The following PPFIA2 variants were observed in gnomAD, a reference collection of about 807,000 sequenced individuals.
The protein encoded by PPFIA2 is liprin-alpha-2.
A neutral mutation model predicts 175.5 loss-of-function variants in PPFIA2; 46 were observed. The observed-to-expected ratio is 0.26, with a 90% CI of 0.21 to 0.34. The LOEUF (loss-of-function observed/expected upper bound fraction) is 0.34, where lower values mean the gene tolerates loss of function less well. Ranked by LOEUF, PPFIA2 falls within the 10% of genes least tolerant of loss-of-function variation. The pLI is 1.00. For missense variants in PPFIA2, 1,179 were observed against 1,506.1 expected (o/e 0.78, Z 3.60); for synonymous variants, 568 against 511.4 (o/e 1.11, Z -1.49).
At chr12:81,286,225 AG>A (rs1858780282) in intron 24 of PPFIA2, among the ~76,000 whole-genome samples, 2 of 152,126 alleles carry the variant, frequency 1.3e-5, no homozygotes, top group South Asian at 4.1e-4. Flanking sequence ...ACAAAAAAAA[AG>A]ATTTATAAAT....
intron 4 of PPFIA2, among the ~76,000 whole-genome samples, chr12:81,467,369 A>G (rs527640007): frequency 6.6e-6 from 1 of 151,916 alleles, no homozygotes; most frequent in South Asian, 2.1e-4. Flanking sequence ...TCTAGATATC[A>G]TAAAACAGTT....
chr12:81,275,115 T>C (rs969820778), intron 28 of PPFIA2, among the ~76,000 whole-genome samples: 5 of 152,216 alleles, frequency 3.3e-5, no homozygotes, highest in African/African-American at 1.2e-4. Context: ...AAGACATTCA[T>C]TGTGTGGTCA....
chr12:81,461,548 A>T (rs2054540241), intron 4 of PPFIA2, among the ~76,000 whole-genome samples: 1 of 152,050 alleles, frequency 6.6e-6, no homozygotes, highest in Admixed American at 6.6e-5. Flanking sequence ...AAATGTCAGA[A>T]TTCACATTTG....
intron 7 of PPFIA2, among the ~76,000 whole-genome samples, chr12:81,437,997 C>T (rs1182712987): frequency 6.7e-6 from 1 of 149,752 alleles, no homozygotes; most frequent in African/African-American, 2.5e-5. Context: ...AAAAAGTTTT[C>T]TTTCCTTTTT....
Position 81,259,208 on chromosome 12 carries a change from A to G in PPFIA2, c.*486T>C, listed in dbSNP as rs1420026109. 4.4e-6 allele frequency: 1 copy of G among 229,568 alleles called. No homozygotes were observed. The highest frequency in any genetic ancestry group is 8.6e-6 in the Non-Finnish European group (1 of 115,682). The allele number at this position is 229,568 out of a possible 1,614,324, so 14.2% of individuals were successfully genotyped here. A position where few individuals can be genotyped will look rare whatever the true frequency, so the allele number is the denominator to read the frequency against. ...TATTAACAATCCAAAAACTGTAAAA[A>G]TGGTGGAATGGTAAAATACAAACAG... On this transcript the variant is annotated 3_prime_UTR_variant, in exon 33 of 33. Transcript: ENST00000549396.
At chr12:81,334,400 G>A (rs1225281877) in intron 21 of PPFIA2, among the ~76,000 whole-genome samples, 1 of 151,728 alleles carries the variant, frequency 6.6e-6, no homozygotes, top group Non-Finnish European at 1.5e-5. Flanking sequence ...TTGGTACTCT[G>A]CATTTAAGAG....
At chr12:81,736,084 C>A (rs576180013) in intron 3 of PPFIA2, among the ~76,000 whole-genome samples, 1 of 151,962 alleles carries the variant, frequency 6.6e-6, no homozygotes, top group Admixed American at 6.6e-5. Flanking sequence ...ATTAAAATCA[C>A]CTCATCCCTT....
chr12:81,673,133 C>G (rs2071755226), intron 4 of PPFIA2, among the ~76,000 whole-genome samples: 1 of 151,968 alleles, frequency 6.6e-6, no homozygotes, highest in African/African-American at 2.4e-5. Flanking sequence ...GGCACCAGGG[C>G]AGGGGTTGTC....
intron 4 of PPFIA2, among the ~76,000 whole-genome samples, chr12:81,553,736 G>T (rs1286263035): frequency 6.6e-6 from 1 of 151,972 alleles, no homozygotes; most frequent in Non-Finnish European, 1.5e-5. Flanking sequence ...CTTTCCAATT[G>T]GAACTGCATT....
At chr12:81,349,986 CT>C (rs1319725795) in intron 17 of PPFIA2, among the ~76,000 whole-genome samples, 12 of 152,074 alleles carry the variant, frequency 7.9e-5, no homozygotes, top group African/African-American at 2.9e-4. Context: ...ATGACTATTT[CT>C]TTTAAATGTG....
intron 11 of PPFIA2, among the ~76,000 whole-genome samples, chr12:81,371,693 C>A (rs2035140025): frequency 6.6e-6 from 1 of 151,716 alleles, no homozygotes; most frequent in South Asian, 2.1e-4. Flanking sequence ...TAAAATACCT[C>A]ATTCAAGATG....
chr12:81,311,046 T>C (rs1225073468), intron 22 of PPFIA2, among the ~76,000 whole-genome samples: 1 of 152,146 alleles, frequency 6.6e-6, no homozygotes, highest in Non-Finnish European at 1.5e-5. Context: ...AATACCTTCT[T>C]CTCAGTCCAA....
intron 4 of PPFIA2, among the ~76,000 whole-genome samples, chr12:81,605,240 T>C (rs1343706046): frequency 6.6e-6 from 1 of 151,866 alleles, no homozygotes; most frequent in Non-Finnish European, 1.5e-5. Context: ...GATAAGAATT[T>C]GGGGATTTAA....
In PPFIA2 at chr12:81,441,854, T is replaced by G. The variant is rs115108657; in HGVS notation, c.571-1808A>C. On this transcript the variant is annotated intron_variant, in intron 6 of 32. Transcript: ENST00000549396. The stretch of plus-strand genomic sequence containing the variant: ...GCAATATGAAGCAATCTAAATATGT[T>G]AATAATCTCTCCATACACAACGCTG... 1.3e-3 allele frequency among the ~76,000 whole-genome samples: 194 copies of G among 152,178 alleles called. 1 individual carries two copies. The highest frequency in any genetic ancestry group is 4.5e-3 in the African/African-American group (185 of 41,564).
At chr12:81,309,275 G>A (rs965559373) in intron 22 of PPFIA2, among the ~76,000 whole-genome samples, 2 of 152,098 alleles carry the variant, frequency 1.3e-5, no homozygotes, top group African/African-American at 2.4e-5. Context: ...TATTTGAGAA[G>A]CTAGTTGAAA....
intron 22 of PPFIA2, among the ~76,000 whole-genome samples, chr12:81,314,535 A>T (rs1018640761): frequency 2.0e-5 from 3 of 151,880 alleles, no homozygotes; most frequent in Non-Finnish European, 4.4e-5. Context: ...TTCCTTGCCA[A>T]CATCAGCATA....
chr12:81,490,767 T>C (rs1256967384), intron 4 of PPFIA2, among the ~76,000 whole-genome samples: 3 of 151,756 alleles, frequency 2.0e-5, no homozygotes, highest in African/African-American at 7.3e-5. Context: ...TTTATTCTTG[T>C]TTTTTGACTG....
intron 2 of PPFIA2, among the ~76,000 whole-genome samples, chr12:81,755,369 TTGG>T (rs1334176110): frequency 6.6e-6 from 1 of 152,158 alleles, no homozygotes; most frequent in Non-Finnish European, 1.5e-5. Context: ...ATTAGATGGC[TTGG>T]TTTTGCAAAA....
At chr12:81,468,499 A>G (rs1420350990) in intron 4 of PPFIA2, among the ~76,000 whole-genome samples, 1 of 152,190 alleles carries the variant, frequency 6.6e-6, no homozygotes, top group Non-Finnish European at 1.5e-5. Context: ...GATGCTGCAT[A>G]TTAATTTAAA....
Sources: gnomAD v4.1 joint callset for allele counts (sites outside exome capture counted in the v4.1 genomes callset) on GRCh38, gnomAD v4.1.1 for gene constraint, MANE v1.5 for transcripts, NCBI Gene and HGNC (gene_info 2026-07-23, HGNC 2026-07-21) for gene names.